TGFB3: variants seen among roughly 807,000 people sequenced by gnomAD.
TGFB3 encodes transforming growth factor beta-3 proprotein.
TGFB3 carries 5 observed loss-of-function variants against 40.1 expected under a neutral mutation model. The observed-to-expected ratio is 0.12, with a 90% confidence interval of 0.07 to 0.26. TGFB3 has a LOEUF of 0.26. Among genes scored for constraint, TGFB3 ranks in the 10% least tolerant of loss-of-function variants. The pLI is 1.00. For synonymous variants in TGFB3, 184 were observed against 205.6 expected (o/e 0.89, Z 0.90); for missense variants, 373 against 530.1 (o/e 0.70, Z 2.91).
chr14:75,971,458 A>G lies in TGFB3; in HGVS notation c.516+97T>C. The G allele has an allele frequency of 6.4e-7, 1 of 1,571,390 alleles. No individual in the cohort carries two copies. Among genetic ancestry groups the G allele is most frequent in the Non-Finnish European group, 8.7e-7 (1 of 1,154,196 alleles). On this transcript the variant is annotated intron_variant, in intron 2 of 6. Transcript: ENST00000238682. This position sits in a 1 kb window ranked among gnomAD's most constrained non-coding sequence, Gnocchi z 4.5. ...AAGGCTCAGAGAAGCCAGGATTCAA[A>G]CCCAGGTCTGCCAAACGCTGCACCC...
At chr14:75,963,686 G>T (rs1245881333) in intron 4 of TGFB3, among the ~76,000 whole-genome samples, 199 bp from the exon 5 acceptor site, 1 of 152,164 alleles carries the variant, frequency 6.6e-6, no homozygotes, top group Middle Eastern at 3.2e-3. Flanking sequence ...AGTATCAAAA[G>T]AACTCATTAT....
At chr14:75,970,110 G>A (rs1399737345) in intron 3 of TGFB3, among the ~76,000 whole-genome samples, 2 of 152,092 alleles carry the variant, frequency 1.3e-5, no homozygotes, top group Non-Finnish European at 2.9e-5. Flanking sequence ...GCAGATCCAC[G>A]TGGGTTCTCC....
At chr14:75,974,984 G>A (rs192832130) in intron 1 of TGFB3, among the ~76,000 whole-genome samples, 3 of 152,082 alleles carry the variant, frequency 2.0e-5, no homozygotes, top group South Asian at 2.1e-4. Context: ...TCAGCTACTC[G>A]GGAGGCTGAG....
rs963304948 is a variant in TGFB3, at chr14:75,963,633, C to A, written c.755-146G>T. On this transcript the variant is annotated intron_variant, in intron 4 of 6. Transcript: ENST00000238682. The stretch of plus-strand genomic sequence containing the variant: ...TGTGGGGGACAAGTGCAGCTTAATT[C>A]TGATGTCCAGGTGCAGAAAGGGGAA... The A allele has an allele frequency of 5.4e-6, 5 of 921,662 alleles. No individual in the cohort carries two copies. In the African/African-American group the frequency reaches 8.1e-5, roughly 15 times the overall value. 57.1% of individuals were successfully genotyped at this position (921,662 alleles called of 1,614,324 possible).
chr14:75,960,657 G>A (rs1156885186), intron 6 of TGFB3, among the ~76,000 whole-genome samples: 1 of 152,164 alleles, frequency 6.6e-6, no homozygotes, highest in East Asian at 1.9e-4. Flanking sequence ...GGTAACACGT[G>A]GCAGTTAATT....
In TGFB3 at chr14:75,960,928, T is replaced by G; in HGVS notation, c.1075A>C (p.Ser359Arg). ...PYLRSADTTH[S>R]TVLGLYNTLN... Reference sequence around the variant, plus strand: ...GGCATGAGCCTGCTCCATACCGTGCTGTGGGTTGTGTCTGCACTGCGGAGG... The same window carrying G: ...GGCATGAGCCTGCTCCATACCGTGCGGTGGGTTGTGTCTGCACTGCGGAGG... The change falls in exon 6 of 7, where the codon AGC becomes CGC. Residue 359 changes from serine to arginine, a missense_variant. Transcript: ENST00000238682. 1 of 1,614,210 alleles carries G rather than the reference T, an allele frequency of 6.2e-7. No homozygotes were observed. The highest frequency in any genetic ancestry group is 8.5e-7 in the Non-Finnish European group (1 of 1,180,026).
chr14:75,967,921 A>T (rs1594786286), intron 3 of TGFB3, among the ~76,000 whole-genome samples: 1 of 152,322 alleles, frequency 6.6e-6, no homozygotes, highest in South Asian at 2.1e-4. Context: ...ATGCCCACAC[A>T]TTCACCAACA....
intron 1 of TGFB3, among the ~76,000 whole-genome samples, chr14:75,977,979 G>A (rs1032746445): frequency 6.6e-6 from 1 of 152,036 alleles, no homozygotes; most frequent in African/African-American, 2.4e-5. Context: ...CTGTAAAACA[G>A]GGAGAAAAGG....
At position 75,980,961 on chromosome 14, in the gene TGFB3, CAGA is replaced by C; in HGVS notation, c.-71_-69del. The C allele has an allele frequency of 2.0e-6, 3 of 1,474,022 alleles. No individual in the cohort carries two copies. The South Asian group carries it at 3.4e-5, about 17-fold the overall frequency. 91.3% of individuals were successfully genotyped at this position (1,474,022 alleles called of 1,614,324 possible). ...AGAGGAAGAGACCCCAGCAGACGTG[CAGA>C]AGGAGGGAGGAAAACCAGGCGGCCT... On this transcript the variant is annotated 5_prime_UTR_variant, in exon 1 of 7. Coordinates refer to ENST00000238682, the MANE Select transcript of TGFB3 (RefSeq NM_003239.5). This position sits in a 1 kb window ranked among gnomAD's most constrained non-coding sequence, Gnocchi z 4.3.
At chr14:75,976,410 T>C (rs1027848982) in intron 1 of TGFB3, among the ~76,000 whole-genome samples, 1 of 152,220 alleles carries the variant, frequency 6.6e-6, no homozygotes, top group Non-Finnish European at 1.5e-5. Context: ...CCATGGCTTC[T>C]AGATGTTCTG....
At chr14:75,982,189 T>C (rs1229575371), upstream of TGFB3, among the ~76,000 whole-genome samples, 1 of 152,208 alleles carries the variant, frequency 6.6e-6, no homozygotes, top group African/African-American at 2.4e-5. This position sits in a 1 kb window ranked among gnomAD's most constrained non-coding sequence, Gnocchi z 4.0. Flanking sequence ...AGCTGAACTT[T>C]TTTTCCCCTC....
intron 6 of TGFB3, among the ~76,000 whole-genome samples, chr14:75,960,001 G>C (rs1021374329): frequency 4.1e-4 from 50 of 122,360 alleles, no homozygotes; most frequent in South Asian, 2.2e-3. Context: ...GAAGTGCAGT[G>C]GTGCAATCTT....
chr14:75,963,179 T>G, intron 5 of TGFB3, 137 bp downstream of exon 5: 5 of 986,020 alleles, frequency 5.1e-6, no homozygotes, highest in Non-Finnish European at 8.0e-6. Flanking sequence ...GTGAGAGATT[T>G]TCAGTCTTCT....
At chr14:75,969,789 G>C (rs536984338) in intron 3 of TGFB3, among the ~76,000 whole-genome samples, 1 of 152,072 alleles carries the variant, frequency 6.6e-6, no homozygotes, top group African/African-American at 2.4e-5. Context: ...CCTGGATGTC[G>C]AAAAAATTTA....
At chr14:75,968,436 C>T (rs1313948333) in intron 3 of TGFB3, among the ~76,000 whole-genome samples, 4 of 152,246 alleles carry the variant, frequency 2.6e-5, no homozygotes, top group East Asian at 1.9e-4. Context: ...GGTTTTATTA[C>T]GAAATTATCT....
chr14:75,977,374 C>T (rs956947521), intron 1 of TGFB3, among the ~76,000 whole-genome samples: 1 of 152,190 alleles, frequency 6.6e-6, no homozygotes, highest in East Asian at 1.9e-4. Context: ...TCTACTCCCT[C>T]CCGACAGTAA....
At position 75,963,331 on chromosome 14, in the gene TGFB3, G is replaced by C; in HGVS notation, c.911C>G (p.Thr304Ser). 2 of 1,614,130 alleles carry C rather than the reference G, an allele frequency of 1.2e-6. No individual in the cohort carries two copies. The highest frequency in any genetic ancestry group is 1.7e-6 in the Non-Finnish European group (2 of 1,179,988). Residue 304 changes from threonine (T) to serine (S), a missense_variant, in exon 5 of 7, where the codon ACC (threonine) becomes AGC (serine). Transcript: ENST00000238682. Reference protein sequence around the residue: ...GGQRKKRALDTNYCFRNLEEN... With the variant: ...GGQRKKRALDSNYCFRNLEEN... ...CCAGTCTCACCGGAAGCAGTAATTG[G>C]TGTCCAAAGCCCGCTTCTTCCTCTG...
chr14:75,971,518 C>T lies in TGFB3; in HGVS notation c.516+37G>A, dbSNP rs74723274. On this transcript the variant is annotated intron_variant, in intron 2 of 6. Coordinates refer to ENST00000238682, the MANE Select transcript of TGFB3 (RefSeq NM_003239.5). The surrounding 1 kb of genome is among the most constrained non-coding windows in gnomAD (Gnocchi z 4.5). ...CTGATATGGCAAAGGAACCAGCTTTCCCGTCGGTGTGGTTTCTGCTCTGAG... is the reference window on the plus strand; with the variant it reads ...CTGATATGGCAAAGGAACCAGCTTTTCCGTCGGTGTGGTTTCTGCTCTGAG... 905 of 1,612,678 alleles carry T rather than the reference C, an allele frequency of 5.6e-4. 4 individuals carry two copies. In the African/African-American group the frequency reaches 0.01, roughly 18 times the overall value.
intron 3 of TGFB3, chr14:75,966,020 G>A (rs2035217246): frequency 2.6e-6 from 1 of 377,452 alleles, no homozygotes; most frequent in African/African-American, 2.1e-5. Flanking sequence ...CCTACTTGGA[G>A]GCAAAAGTAC....
Sources: gnomAD v4.1 joint callset for allele counts (sites outside exome capture counted in the v4.1 genomes callset) on GRCh38, gnomAD v4.1.1 for gene constraint, Gnocchi (gnomAD v3.1) non-coding constraint, MANE v1.5 for transcripts, NCBI Gene and HGNC (gene_info 2026-07-23, HGNC 2026-07-21) for gene names.